ABCC1: variants seen among roughly 807,000 people sequenced by gnomAD.
ABCC1 encodes ATP binding cassette subfamily C member 1 (ABCC1 blood group), also known as multidrug resistance-associated protein 1.
A neutral mutation model predicts 172.9 loss-of-function variants in ABCC1; 83 were observed. The observed-to-expected ratio is 0.48, with a 90% CI of 0.40 to 0.58. The LOEUF is 0.58. ABCC1 is among the 20% of genes least tolerant of loss of function. ABCC1 has a pLI of 0.00. For synonymous variants in ABCC1, 937 were observed against 825.2 expected (o/e 1.14, Z -2.32); for missense variants, 1,817 against 2,002.7 (o/e 0.91, Z 1.77).
At chr16:15,950,352 TCTA>T (rs1325655471) in intron 1 of ABCC1, among the ~76,000 whole-genome samples, 8 of 151,818 alleles carry the variant, frequency 5.3e-5, no homozygotes, top group Non-Finnish European at 1.0e-4. Flanking sequence ...TTTTGTTCTT[TCTA>T]CTTAGATACT....
intron 23 of ABCC1, among the ~76,000 whole-genome samples, chr16:16,118,396 C>T (rs1318819034): frequency 2.1e-5 from 3 of 141,442 alleles, no homozygotes; most frequent in Non-Finnish European, 4.5e-5. Flanking sequence ...CCTGGAGTCT[C>T]GTTATATCCT....
intron 1 of ABCC1, among the ~76,000 whole-genome samples, chr16:15,999,875 A>G (rs62029801): frequency 7.6e-5 from 2 of 26,258 alleles, no homozygotes; most frequent in African/African-American, 1.2e-4. Flanking sequence ...TCTTTCTTTC[A>G]GCCTGAGTCT....
intron 15 of ABCC1, among the ~76,000 whole-genome samples, chr16:16,077,314 C>T (rs964671322): frequency 6.6e-6 from 1 of 152,202 alleles, no homozygotes; most frequent in African/African-American, 2.4e-5. Context: ...ATTGAAAATT[C>T]ATGGGGGTAC....
chr16:16,118,481 C>G (rs916111748), intron 23 of ABCC1, among the ~76,000 whole-genome samples: 3 of 126,530 alleles, frequency 2.4e-5, no homozygotes, highest in Non-Finnish European at 4.7e-5. Flanking sequence ...TGTGTTCATA[C>G]GCAAGCTGGA....
At chr16:16,113,028 G>T (rs1295944211) in intron 22 of ABCC1, among the ~76,000 whole-genome samples, 2 of 152,184 alleles carry the variant, frequency 1.3e-5, no homozygotes, top group African/African-American at 4.8e-5. Flanking sequence ...AAGCCTCTCT[G>T]TTCCTAGGAA....
At chr16:15,973,795 G>A (rs544563701) in intron 1 of ABCC1, among the ~76,000 whole-genome samples, 1 of 151,736 alleles carries the variant, frequency 6.6e-6, no homozygotes, top group Non-Finnish European at 1.5e-5. Context: ...GGGCAACATA[G>A]CGAGACCCAG....
Position 16,096,495 on chromosome 16 carries a change from T to C in ABCC1, c.2644+5907T>C, listed in dbSNP as rs572567878. On this transcript the variant is annotated intron_variant, in intron 19 of 30. Coordinates refer to ENST00000399410, the MANE Select transcript of ABCC1 (RefSeq NM_004996.4). ...ACAGAGCAGCTGCCGAGAGAGTTCA[T>C]CAGACAGACCCCCACATTCCTTCTG... 1.9e-4 allele frequency among the ~76,000 whole-genome samples: 29 copies of C among 152,304 alleles called. No individual in the cohort carries two copies. In the South Asian group the frequency reaches 6.0e-3, roughly 32 times the overall value.
intron 6 of ABCC1, among the ~76,000 whole-genome samples, chr16:16,034,921 G>A (rs1220603645): frequency 1.3e-5 from 2 of 152,034 alleles, no homozygotes; most frequent in Non-Finnish European, 2.9e-5. Context: ...AAAAGATGAT[G>A]TGTTTGCATG....
At position 16,080,852 on chromosome 16, in the gene ABCC1, A is replaced by C. The variant is rs1453819138; in HGVS notation, c.2115+1374A>C. On this transcript the variant is annotated intron_variant, in intron 16 of 30. Coordinates refer to ENST00000399410, the MANE Select transcript of ABCC1 (RefSeq NM_004996.4). ...TTGGAATCTGCCTTTGGGAATGTCA[A>C]GTTTATGACGTTGTTTGTTGTTGTG... is the stretch of plus-strand genomic sequence containing the variant. 8.1e-5 allele frequency among the ~76,000 whole-genome samples: 12 copies of C among 148,630 alleles called. No individual in the cohort carries two copies. The Admixed American group carries it at 8.2e-4, about 10-fold the overall frequency.
At chr16:16,137,939 C>G (rs539506530) in intron 29 of ABCC1, among the ~76,000 whole-genome samples, 19 of 152,004 alleles carry the variant, frequency 1.2e-4, no homozygotes, top group Admixed American at 3.3e-4. Context: ...ATCTCGGACT[C>G]TAACTCCTGG....
chr16:16,033,484 A>G (rs1197130396), intron 6 of ABCC1, among the ~76,000 whole-genome samples: 2 of 152,172 alleles, frequency 1.3e-5, no homozygotes, highest in South Asian at 2.1e-4. Context: ...AATATTAGGT[A>G]TAGTTATTAT....
intron 19 of ABCC1, among the ~76,000 whole-genome samples, chr16:16,100,058 C>T (rs2051656274): frequency 6.6e-6 from 1 of 151,988 alleles, no homozygotes; most frequent in Non-Finnish European, 1.5e-5. Flanking sequence ...TGCAATCCAG[C>T]CTGGGCGACA....
At chr16:16,043,515 T>A (rs975764454) in intron 7 of ABCC1, among the ~76,000 whole-genome samples, 35 of 152,040 alleles carry the variant, frequency 2.3e-4, no homozygotes, top group Admixed American at 2.2e-3. Context: ...GTCAGGCTGG[T>A]CTTGAACCTG....
chr16:16,136,260 G>C (rs1262103089), intron 28 of ABCC1, among the ~76,000 whole-genome samples: 1 of 152,136 alleles, frequency 6.6e-6, no homozygotes, highest in Non-Finnish European at 1.5e-5. Flanking sequence ...CTGACCTTAA[G>C]TGATCCACTC....
intron 1 of ABCC1, among the ~76,000 whole-genome samples, chr16:15,982,770 C>T (rs2046651666): frequency 1.6e-5 from 2 of 124,296 alleles, no homozygotes; most frequent in Non-Finnish European, 3.2e-5. Flanking sequence ...CACACCACTG[C>T]ACTCCAGTCT....
intron 29 of ABCC1, among the ~76,000 whole-genome samples, chr16:16,137,331 G>C (rs545817401): frequency 6.6e-6 from 1 of 152,104 alleles, no homozygotes. Context: ...GGTATGTTCC[G>C]TGCATCCCTC....
intron 5 of ABCC1, among the ~76,000 whole-genome samples, chr16:16,020,567 A>C (rs1218131521): frequency 6.6e-6 from 1 of 152,198 alleles, no homozygotes; most frequent in African/African-American, 2.4e-5. Context: ...GGAGTTGTGT[A>C]GTTGCTACAG....
At chr16:16,008,820 G>T (rs1314047181) in intron 2 of ABCC1, among the ~76,000 whole-genome samples, 1 of 131,598 alleles carries the variant, frequency 7.6e-6, no homozygotes, top group East Asian at 2.1e-4. Flanking sequence ...TCTAGCCTGT[G>T]CAACAGAGCG....
At chr16:16,068,551 G>A (rs1465907738) in intron 13 of ABCC1, among the ~76,000 whole-genome samples, 3 of 152,166 alleles carry the variant, frequency 2.0e-5, no homozygotes, top group South Asian at 2.1e-4. Context: ...CCCATGCTCT[G>A]GAAGAATCTT....
Sources: gnomAD v4.1 joint callset for allele counts (sites outside exome capture counted in the v4.1 genomes callset) on GRCh38, gnomAD v4.1.1 for gene constraint, MANE v1.5 for transcripts, NCBI Gene and HGNC (gene_info 2026-07-23, HGNC 2026-07-21) for gene names.